The following KCNJ3 variants were observed in gnomAD, a reference collection of about 807,000 sequenced individuals.
KCNJ3 encodes the protein potassium inwardly rectifying channel subfamily J member 3, also known as G protein-activated inward rectifier potassium channel 1.
Under a neutral mutation model 39.2 loss-of-function variants are expected in KCNJ3, and 4 were observed. The ratio of observed to expected loss-of-function variants is 0.10; its 90% CI spans 0.05 to 0.23. The LOEUF is 0.23. Ranked by LOEUF, KCNJ3 falls within the 10% of genes least tolerant of loss-of-function variation. The probability of loss-of-function intolerance (pLI) is 1.00; values close to 1 mark genes in which losing one functional copy is unlikely to be tolerated. For missense variants in KCNJ3, 276 were observed against 634.9 expected (o/e 0.43, Z 6.08); for synonymous variants, 230 against 237.4 (o/e 0.97, Z 0.29).
intron 2 of KCNJ3, among the ~76,000 whole-genome samples, chr2:154,800,586 C>T (rs1353977274): frequency 6.6e-6 from 1 of 152,110 alleles, no homozygotes; most frequent in Non-Finnish European, 1.5e-5. Context: ...TTCAATATGA[C>T]TTTTAATTGA....
intron 2 of KCNJ3, among the ~76,000 whole-genome samples, chr2:154,803,849 G>C (rs1412138289): frequency 2.0e-5 from 3 of 151,970 alleles, no homozygotes; most frequent in African/African-American, 7.2e-5. Context: ...TGATTAGGCT[G>C]TGTGTGAATA....
chr2:154,819,076 T>C (rs1053207975), intron 2 of KCNJ3, among the ~76,000 whole-genome samples: 4 of 151,824 alleles, frequency 2.6e-5, no homozygotes, highest in African/African-American at 9.7e-5. Context: ...GAGGCAGGAT[T>C]GCTGGAGCCT....
rs200567232 is a variant in KCNJ3 at position 154,776,864 on chromosome 2, G to GA, written c.919+67054dup. The stretch of plus-strand genomic sequence containing the variant: ...CTTCGCAATCCATTGGCAATAAATA[G>GA]AAAAAAAAATCCCTCTACATTAACA... On this transcript the variant is annotated intron_variant, in intron 2 of 2. Coordinates refer to ENST00000295101, the MANE Select transcript of KCNJ3 (RefSeq NM_002239.4). 3.5e-3 allele frequency among the ~76,000 whole-genome samples: 521 copies of GA among 150,788 alleles called. 2 individuals carry two copies. The highest frequency in any genetic ancestry group is 0.016 in the South Asian group (77 of 4,752).
At chr2:154,710,539 G>C (rs1434935651) in intron 2 of KCNJ3, among the ~76,000 whole-genome samples, 2 of 151,998 alleles carry the variant, frequency 1.3e-5, no homozygotes, top group East Asian at 3.8e-4. Context: ...TATTATTTGG[G>C]GCCTACACAT....
intron 2 of KCNJ3, among the ~76,000 whole-genome samples, chr2:154,761,062 C>CT (rs11375045): frequency 0.27 from 35,678 of 133,322 alleles, 5,747 homozygotes; most frequent in South Asian, 0.46. Flanking sequence ...TTAATTTTTT[C>CT]TTTTTTTTTT....
intron 2 of KCNJ3, among the ~76,000 whole-genome samples, chr2:154,819,718 A>C (rs1406596563): frequency 6.6e-6 from 1 of 151,746 alleles, no homozygotes; most frequent in African/African-American, 2.4e-5. Flanking sequence ...TTTAGTAGAG[A>C]TGGGGTTGCA....
chr2:154,783,733 C>T (rs1686480038), intron 2 of KCNJ3, among the ~76,000 whole-genome samples: 1 of 152,116 alleles, frequency 6.6e-6, no homozygotes, highest in South Asian at 2.1e-4. Flanking sequence ...ACCCAGGTGA[C>T]CTTATACCCT....
At chr2:154,744,777 T>A (rs1442165600) in intron 2 of KCNJ3, among the ~76,000 whole-genome samples, 1 of 151,830 alleles carries the variant, frequency 6.6e-6, no homozygotes, top group African/African-American at 2.4e-5. Context: ...TCACATTGAT[T>A]TTTTAGTTGT....
intron 2 of KCNJ3, among the ~76,000 whole-genome samples, chr2:154,833,160 G>A (rs187622160): frequency 2.2e-4 from 33 of 152,222 alleles, no homozygotes; most frequent in African/African-American, 7.7e-4. Context: ...TTCATTATAT[G>A]CATCACGGTA....
chr2:154,794,187 C>T (rs1330394704), intron 2 of KCNJ3, among the ~76,000 whole-genome samples: 1 of 151,870 alleles, frequency 6.6e-6, no homozygotes, highest in African/African-American at 2.4e-5. Context: ...GGAAGCTGGT[C>T]AGATAAAGTT....
At chr2:154,843,210 G>A (rs888604095) in intron 2 of KCNJ3, among the ~76,000 whole-genome samples, 8 of 152,100 alleles carry the variant, frequency 5.3e-5, no homozygotes, top group Non-Finnish European at 4.4e-5. Flanking sequence ...TAGTTTGGCT[G>A]GATCTGAAAT....
At chr2:154,757,758 T>G (rs1685966327) in intron 2 of KCNJ3, among the ~76,000 whole-genome samples, 1 of 152,150 alleles carries the variant, frequency 6.6e-6, no homozygotes, top group African/African-American at 2.4e-5. Flanking sequence ...TGATATCTGG[T>G]GAGGACTCCC....
chr2:154,780,971 A>G (rs1272506108), intron 2 of KCNJ3, among the ~76,000 whole-genome samples: 3 of 152,186 alleles, frequency 2.0e-5, no homozygotes, highest in Non-Finnish European at 4.4e-5. Context: ...TGACTATAAA[A>G]GAAGATTATT....
At chr2:154,821,014 C>T (rs1452790445) in intron 2 of KCNJ3, among the ~76,000 whole-genome samples, 1 of 152,102 alleles carries the variant, frequency 6.6e-6, no homozygotes, top group Non-Finnish European at 1.5e-5. Context: ...TTTTAAGTAT[C>T]ATTATGAGCT....
intron 2 of KCNJ3, among the ~76,000 whole-genome samples, chr2:154,783,070 C>T (rs559667601): frequency 1.3e-5 from 2 of 152,026 alleles, no homozygotes; most frequent in South Asian, 2.1e-4. Flanking sequence ...CCCAGCTACT[C>T]GGGAGGCTGA....
At chr2:154,731,880 GT>G (rs1399640934) in intron 2 of KCNJ3, among the ~76,000 whole-genome samples, 1 of 151,812 alleles carries the variant, frequency 6.6e-6, no homozygotes, top group Non-Finnish European at 1.5e-5. Flanking sequence ...TCTTTGTAGG[GT>G]AAAAAATTAT....
At chr2:154,854,594 A>G (rs1431182195) in intron 2 of KCNJ3, 133 bp from the exon 3 acceptor site, 4 of 606,390 alleles carry the variant, frequency 6.6e-6, no homozygotes, top group Non-Finnish European at 5.7e-6. Context: ...CTTTTAATCT[A>G]TTCTATTATT....
intron 2 of KCNJ3, among the ~76,000 whole-genome samples, chr2:154,788,870 A>G (rs538329017): frequency 2.6e-5 from 4 of 152,078 alleles, no homozygotes; most frequent in Non-Finnish European, 5.9e-5. Context: ...GCATGAAAAA[A>G]AATGAGGATA....
intron 2 of KCNJ3, among the ~76,000 whole-genome samples, chr2:154,850,008 CTTTTTTTTTTTTTTTTTTTTTTTTTTTTT>C (rs373062062): frequency 2.0e-5 from 1 of 48,838 alleles, no homozygotes. Flanking sequence ...CAGAATAAAT[CTTTTTTTTTTTTTTTTTTTTTTTTTTTTT>C]TTTTTTTACA....
Sources: allele counts gnomAD v4.1 joint callset (sites outside exome capture counted in the v4.1 genomes callset), GRCh38; gene constraint gnomAD v4.1.1; transcripts MANE v1.5; gene names NCBI Gene and HGNC (gene_info 2026-07-23, HGNC 2026-07-21).